Variants in ITPRID1 observed in about 807,000 individuals in gnomAD.
ITPRID1 encodes the protein ITPR interacting domain containing 1.
ITPRID1 carries 96 observed loss-of-function variants against 95.4 expected under a neutral mutation model. The observed-to-expected ratio is 1.01, with a 90% CI of 0.85 to 1.19. ITPRID1 has a LOEUF of 1.19. ITPRID1 is among the 50% of genes most tolerant of loss of function. The pLI is 0.00. For missense variants in ITPRID1, 1,339 were observed against 1,252.9 expected (o/e 1.07, Z -1.04); for synonymous variants, 510 against 453.6 (o/e 1.12, Z -1.58).
At chr7:31,612,614 CTGGACAGAGATTTTTTTAAGTGACT>C (rs1272044654) in intron 10 of ITPRID1, among the ~76,000 whole-genome samples, 1 of 152,110 alleles carries the variant, frequency 6.6e-6, no homozygotes, top group Non-Finnish European at 1.5e-5. Flanking sequence ...TAGTTAATGA[CTGGACAGAGATTTTTTTAAGTGACT>C]TGAACAAATA....
rs1328487806 is a variant in ITPRID1 at position 31,655,029 on chromosome 7, C to G, written c.*2200C>G. ...TGAATTCTCTTCTCTTTCTCCATTC[C>G]TCTGTCCTCAGTATACACACACACT... On this transcript the variant is annotated 3_prime_UTR_variant, in exon 15 of 15. Coordinates refer to ENST00000615280, the MANE Select transcript of ITPRID1 (RefSeq NM_001257967.3). Among the ~76,000 whole-genome samples the G allele has an allele frequency of 6.6e-6, 1 of 152,098 alleles. No homozygotes were observed. Among genetic ancestry groups the G allele is most frequent in the African/African-American group, 2.4e-5 (1 of 41,428 alleles).
chr7:31,561,330 G>C (rs1480579744), intron 5 of ITPRID1, among the ~76,000 whole-genome samples: 4 of 152,152 alleles, frequency 2.6e-5, no homozygotes, highest in African/African-American at 9.7e-5. Context: ...GGGAATGATT[G>C]GTGGCTGAGA....
At chr7:31,633,558 C>G (rs1701817343) in intron 10 of ITPRID1, among the ~76,000 whole-genome samples, 1 of 152,236 alleles carries the variant, frequency 6.6e-6, no homozygotes, top group African/African-American at 2.4e-5. Flanking sequence ...CAACTGCTCT[C>G]TGGTCTGAAC....
intron 1 of ITPRID1, among the ~76,000 whole-genome samples, chr7:31,517,134 G>C (rs866013791): frequency 6.6e-6 from 1 of 152,186 alleles, no homozygotes; most frequent in African/African-American, 2.4e-5. Flanking sequence ...CAGATTTCAG[G>C]TTTTGGTTCG....
intron 10 of ITPRID1, among the ~76,000 whole-genome samples, chr7:31,613,151 A>G (rs1174886103): frequency 6.6e-6 from 1 of 152,098 alleles, no homozygotes; most frequent in Non-Finnish European, 1.5e-5. Context: ...AACCGATAGG[A>G]TGCTGTTTTT....
In ITPRID1 at chr7:31,651,938, G is replaced by A. The variant is rs1461046428; in HGVS notation, c.2712-1G>A. Reference sequence around the variant, plus strand: ...GGTTATTTTCTATTATTTACTTGCAGGGAGGAGGCCGAGCAACTGCAAACG... The same window carrying A: ...GGTTATTTTCTATTATTTACTTGCAAGGAGGAGGCCGAGCAACTGCAAACG... On this transcript the variant is annotated splice_acceptor_variant, in intron 13 of 14. Transcript: ENST00000615280. LOFTEE classifies it high-confidence loss of function. The A allele has an allele frequency of 6.3e-7, 1 of 1,586,754 alleles. No homozygotes were observed. Among genetic ancestry groups the A allele is most frequent in the Non-Finnish European group, 8.6e-7 (1 of 1,165,800 alleles).
intron 3 of ITPRID1, among the ~76,000 whole-genome samples, chr7:31,553,644 T>G (rs1784357532): frequency 6.6e-6 from 1 of 152,132 alleles, no homozygotes; most frequent in Admixed American, 6.5e-5. Flanking sequence ...TGTTGAATGG[T>G]TTTTCTTCTT....
chr7:31,522,381 C>T (rs962787104), intron 1 of ITPRID1, among the ~76,000 whole-genome samples: 1 of 152,196 alleles, frequency 6.6e-6, no homozygotes, highest in African/African-American at 2.4e-5. Flanking sequence ...ATTGAGCACT[C>T]ACGGTGAGAT....
downstream of ITPRID1, chr7:31,658,215 C>G: frequency 1.4e-6 from 2 of 1,432,510 alleles, no homozygotes; most frequent in Non-Finnish European, 1.8e-6. Flanking sequence ...CAGAAGAACA[C>G]TTCCCAGAAA....
At chr7:31,634,058 G>T (rs1003978598) in intron 10 of ITPRID1, among the ~76,000 whole-genome samples, 9 of 152,148 alleles carry the variant, frequency 5.9e-5, no homozygotes, top group African/African-American at 2.2e-4. Flanking sequence ...AAGGTCCTTT[G>T]GCAGGGACCA....
intron 10 of ITPRID1, among the ~76,000 whole-genome samples, chr7:31,617,039 G>A (rs1201620493): frequency 1.3e-5 from 2 of 152,070 alleles, no homozygotes; most frequent in Non-Finnish European, 2.9e-5. Flanking sequence ...CTGCTCCTAG[G>A]CACCACAGCA....
chr7:31,636,607 G>A (rs1036511629), intron 10 of ITPRID1, among the ~76,000 whole-genome samples: 1 of 152,028 alleles, frequency 6.6e-6, no homozygotes, highest in Admixed American at 6.6e-5. Context: ...GTCTGGGAGT[G>A]GGAGTGAGAA....
chr7:31,633,003 C>G (rs546547066), intron 10 of ITPRID1, among the ~76,000 whole-genome samples: 8 of 152,204 alleles, frequency 5.3e-5, no homozygotes, highest in African/African-American at 1.2e-4. Context: ...TCTCCTGCCT[C>G]AGCCTCCCGA....
chr7:31,594,385 C>T (rs1785990490), intron 10 of ITPRID1, among the ~76,000 whole-genome samples: 2 of 152,168 alleles, frequency 1.3e-5, no homozygotes, highest in African/African-American at 4.8e-5. Context: ...GCACAGATTG[C>T]TTCCAGAGAA....
intron 10 of ITPRID1, among the ~76,000 whole-genome samples, chr7:31,641,001 C>A (rs554822889): frequency 6.6e-6 from 1 of 152,246 alleles, no homozygotes; most frequent in Admixed American, 6.5e-5. Context: ...ACTTTGGCCT[C>A]AGGCTGAGGT....
chr7:31,651,562 TTA>T (rs1294203707), intron 13 of ITPRID1, among the ~76,000 whole-genome samples: 1 of 152,036 alleles, frequency 6.6e-6, no homozygotes, highest in African/African-American at 2.4e-5. Flanking sequence ...AATGTGGGAG[TTA>T]TGAGAGTTTT....
chr7:31,583,083 GA>G, intron 9 of ITPRID1, 50 bp from the exon 10 acceptor site: 1 of 1,324,394 alleles, frequency 7.6e-7, no homozygotes, highest in South Asian at 1.2e-5. Flanking sequence ...TAAAATAAGT[GA>G]ATTTATTTGA....
intron 10 of ITPRID1, among the ~76,000 whole-genome samples, chr7:31,615,182 A>ATATT (rs1231136444): frequency 6.6e-6 from 1 of 152,132 alleles, no homozygotes. Context: ...CATACTGTAG[A>ATATT]TATTTTCCCA....
At chr7:31,554,326 C>T in intron 3 of ITPRID1, 149 bp from the exon 4 acceptor site, 1 of 1,340,698 alleles carries the variant, frequency 7.5e-7, no homozygotes, top group Non-Finnish European at 9.7e-7. Flanking sequence ...GAGATTTTGC[C>T]TTCAGGAAAA....
Sources: allele counts gnomAD v4.1 joint callset (sites outside exome capture counted in the v4.1 genomes callset), GRCh38; gene constraint gnomAD v4.1.1; transcripts MANE v1.5; gene names NCBI Gene and HGNC (gene_info 2026-07-23, HGNC 2026-07-21).